Variants in NT5C observed in about 807,000 individuals in gnomAD.
The protein encoded by NT5C is 5', 3'-nucleotidase, cytosolic.
A neutral mutation model predicts 17.6 loss-of-function variants in NT5C; 14 were observed. The ratio of observed to expected loss-of-function variants is 0.79; its 90% CI spans 0.52 to 1.24. The LOEUF (loss-of-function observed/expected upper bound fraction) is 1.24. NT5C is among the 50% of genes most tolerant of loss of function. NT5C has a pLI of 0.00. For missense variants in NT5C, 328 were observed against 278.3 expected (o/e 1.18, Z -1.27); for synonymous variants, 153 against 119.2 (o/e 1.28, Z -1.85).
Position 75,131,531 on chromosome 17 carries a change from T to C in NT5C, c.174+3A>G. ...GCCCGGGTGGGGACCCTGCGCCCCC[T>C]ACCGCCAGGTCGGGCCGCAGGGCGC... On this transcript the variant is annotated splice_donor_region_variant and intron_variant, in intron 1 of 4. Transcript: ENST00000245552. 1 of 1,407,460 alleles carries C rather than the reference T, an allele frequency of 7.1e-7. No individual in the cohort carries two copies. The highest frequency in any genetic ancestry group is 1.5e-5 in the African/African-American group (1 of 66,592). 87.2% of individuals were successfully genotyped at this position (1,407,460 alleles called of 1,614,324 possible).
chr17:75,130,398 C>T lies in NT5C; in HGVS notation c.*90G>A. 1 of 1,506,506 alleles carries T rather than the reference C, an allele frequency of 6.6e-7. No individual in the cohort carries two copies. The highest frequency in any genetic ancestry group is 2.4e-4 in the Middle Eastern group (1 of 4,164). The allele number at this position is 1,506,506 out of a possible 1,614,324, so 93.3% of individuals were successfully genotyped here. A position where few individuals can be genotyped will look rare whatever the true frequency, so the allele number is the denominator to read the frequency against. ...GCTCCACTCCACGGGGCCAGAGGCACCAGCACGATGCCGCCCCGACTCGGC... is the reference window on the plus strand; with the variant it reads ...GCTCCACTCCACGGGGCCAGAGGCATCAGCACGATGCCGCCCCGACTCGGC... On this transcript the variant is annotated 3_prime_UTR_variant, in exon 5 of 5. Coordinates refer to ENST00000245552, the MANE Select transcript of NT5C (RefSeq NM_014595.3).
rs142064602 is a variant in NT5C, at chr17:75,131,007, G to A, written c.336+38C>T. The stretch of plus-strand genomic sequence containing the variant: ...GTTTCTTTTTAAAATCAGGATTTAG[G>A]CAGCTCCACGTGCGGAGTAGGGGCG... On this transcript the variant is annotated intron_variant, in intron 3 of 4. Coordinates refer to ENST00000245552, the MANE Select transcript of NT5C (RefSeq NM_014595.3). 268 of 1,607,018 alleles carry A rather than the reference G, an allele frequency of 1.7e-4. 4 individuals carry two copies. The African/African-American group carries it at 2.9e-3, about 17-fold the overall frequency.
rs371055235 is a variant in NT5C at position 75,130,477 on chromosome 17, G to C, written c.*11C>G. The stretch of plus-strand genomic sequence containing the variant: ...TCCTTTAGCTCCAGCTGCTGCCCGC[G>C]GCATCCCCGCTCATTCCCGCTGCGC... On this transcript the variant is annotated 3_prime_UTR_variant, in exon 5 of 5. Transcript: ENST00000245552. The C allele has an allele frequency of 3.7e-6, 6 of 1,612,590 alleles. No individual in the cohort carries two copies. The highest frequency in any genetic ancestry group is 2.2e-5 in the East Asian group (1 of 44,862).
At position 75,130,442 on chromosome 17, in the gene NT5C, G is replaced by T. The variant is rs781124421; in HGVS notation, c.*46C>A. ...ACTCGGCTCTGCGGTGGCCCCTGTG[G>T]GCCTGCCCTTCCTTTAGCTCCAGCT... On this transcript the variant is annotated 3_prime_UTR_variant, in exon 5 of 5. Coordinates refer to ENST00000245552, the MANE Select transcript of NT5C (RefSeq NM_014595.3). 1 of 1,607,074 alleles carries T rather than the reference G, an allele frequency of 6.2e-7. No individual in the cohort carries two copies. The highest frequency in any genetic ancestry group is 8.5e-7 in the Non-Finnish European group (1 of 1,176,948).
chr17:75,131,637 C>T lies in NT5C; in HGVS notation c.71G>A (p.Arg24Gln). 2 of 1,367,052 alleles carry T rather than the reference C, an allele frequency of 1.5e-6. No homozygotes were observed. The highest frequency in any genetic ancestry group is 1.9e-6 in the Non-Finnish European group (2 of 1,065,328). 84.7% of individuals were successfully genotyped at this position (1,367,052 alleles called of 1,614,324 possible). A position where few individuals can be genotyped will look rare whatever the true frequency, so the allele number is the denominator to read the frequency against. ...VLADFEAGLL[R>Q]GFRRRFPEEP... Reference sequence around the variant, plus strand: ...CTCAGGGAAGCGGCGGCGGAAGCCCCGCAGGAGGCCGGCCTCGAAGTCGGC... The same window carrying T: ...CTCAGGGAAGCGGCGGCGGAAGCCCTGCAGGAGGCCGGCCTCGAAGTCGGC... The change falls in exon 1 of 5, where the codon CGG becomes CAG. Residue 24 changes from arginine to glutamine, a missense_variant. Transcript: ENST00000245552.
chr17:75,130,684 A>G (rs774240453), intron 4 of NT5C, 42 bp from the exon 5 acceptor site: 1 of 1,613,834 alleles, frequency 6.2e-7, no homozygotes, highest in Admixed American at 1.7e-5. Context: ...TGTCATGGGT[A>G]TTATTACTCC....
intron 3 of NT5C, 73 bp from the exon 4 acceptor site, chr17:75,130,940 G>C: frequency 6.2e-7 from 1 of 1,608,584 alleles, no homozygotes; most frequent in Non-Finnish European, 8.5e-7. Context: ...TTGGCTCTAA[G>C]CCCTTGAGAG....
Position 75,130,547 on chromosome 17 carries a change from A to C in NT5C, c.547T>G (p.Trp183Gly), listed in dbSNP as rs771903750. ...AAGATCTCCCTCCAGTTGTCACTCC[A>C]GGAGAGCAGCCGTCTCCTTGTCGGG... ...LPPTRRRLLS[W>G]SDNWREILDS... Residue 183 changes from tryptophan to glycine, a missense_variant, in exon 5 of 5, where the codon TGG (tryptophan) becomes GGG (glycine). Coordinates refer to ENST00000245552, the MANE Select transcript of NT5C (RefSeq NM_014595.3). 2.5e-6 allele frequency: 4 copies of C among 1,614,190 alleles called. No individual in the cohort carries two copies. The highest frequency in any genetic ancestry group is 2.2e-5 in the South Asian group (2 of 91,086).
intron 1 of NT5C, 86 bp from the exon 2 acceptor site, chr17:75,131,367 G>T: frequency 6.2e-6 from 9 of 1,455,338 alleles, no homozygotes; most frequent in Middle Eastern, 2.4e-4. Flanking sequence ...CCCGAGCTCA[G>T]AGGGGCGGAG....
Position 75,131,672 on chromosome 17 carries a change from G to A in NT5C, c.36C>T (p.Asp12=). The A allele has an allele frequency of 7.5e-7, 1 of 1,331,592 alleles. No homozygotes were observed. The allele number at this position is 1,331,592 out of a possible 1,614,324, so 82.5% of individuals were successfully genotyped here. A position where few individuals can be genotyped will look rare whatever the true frequency, so the allele number is the denominator to read the frequency against. ...CGGCCTCGAAGTCGGCCAGGACGCC[G>A]TCCATGTCCACCAGCACGCGCACGC... ...ARSVRVLVDM[D]GVLADFEAGL... The change falls in exon 1 of 5, where the codon GAC becomes GAT. Residue 12 remains aspartate (D), a synonymous_variant. Coordinates refer to ENST00000245552, the MANE Select transcript of NT5C (RefSeq NM_014595.3).
rs2074096295 is a variant in NT5C, at chr17:75,130,360, A to G, written c.*128T>C. 8 of 1,217,978 alleles carry G rather than the reference A, an allele frequency of 6.6e-6. No homozygotes were observed. The highest frequency in any genetic ancestry group is 9.3e-6 in the Non-Finnish European group (8 of 863,254). 75.4% of individuals were successfully genotyped at this position (1,217,978 alleles called of 1,614,324 possible). A position where few individuals can be genotyped will look rare whatever the true frequency, so the allele number is the denominator to read the frequency against. On this transcript the variant is annotated 3_prime_UTR_variant, in exon 5 of 5. Coordinates refer to ENST00000245552, the MANE Select transcript of NT5C (RefSeq NM_014595.3). ...CTGGGGCCCGGTAGCACAGCGCTTA[A>G]CGGTATCTGCCTGCTCCACTCCACG...
rs747933575 is a variant in NT5C, at chr17:75,130,886, C to G, written c.337-19G>C. ...AGCGGTACTGTGTAGAAAACACAGT[C>G]TGTGAGTAGGGCCTGATGGAAGCCG... On this transcript the variant is annotated intron_variant, in intron 3 of 4. Coordinates refer to ENST00000245552, the MANE Select transcript of NT5C (RefSeq NM_014595.3). The G allele has an allele frequency of 4.9e-5, 79 of 1,613,776 alleles. No homozygotes were observed. In the Middle Eastern group the frequency reaches 2.5e-3, roughly 51 times the overall value.
At chr17:75,131,416 C>G in intron 1 of NT5C, 118 bp downstream of exon 1, 4 of 1,391,334 alleles carry the variant, frequency 2.9e-6, no homozygotes, top group Non-Finnish European at 3.8e-6. Flanking sequence ...AGGCTCCTCC[C>G]CAGGGTGCGC....
At chr17:75,130,694 C>G (rs761143600) in intron 4 of NT5C, 52 bp from the exon 5 acceptor site, 1 of 1,613,898 alleles carries the variant, frequency 6.2e-7, no homozygotes, top group Non-Finnish European at 8.5e-7. Flanking sequence ...ATTATTACTC[C>G]CTCTCCCTAA....
rs757456856 is a variant in NT5C, at chr17:75,131,222, C to A, written c.234G>T (p.Pro78=). The A allele has an allele frequency of 3.1e-6, 5 of 1,614,014 alleles. No individual in the cohort carries two copies. The highest frequency in any genetic ancestry group is 4.2e-6 in the Non-Finnish European group (5 of 1,180,026). The change falls in exon 2 of 5, where the codon CCG becomes CCT. Residue 78 remains proline, a synonymous_variant. Coordinates refer to ENST00000245552, the MANE Select transcript of NT5C (RefSeq NM_014595.3). The part of the protein sequence containing the change: ...PGFFLDLEPI[P]GALDAVREMN... ...TCTCCCGCACAGCGTCCAAGGCTCC[C>A]GGGATGGGCTCCAGGTCCAGGAAAA...
intron 3 of NT5C, 54 bp from the exon 4 acceptor site, chr17:75,130,921 G>T: frequency 1.9e-6 from 3 of 1,613,002 alleles, no homozygotes; most frequent in Non-Finnish European, 2.5e-6. Flanking sequence ...GGAATTCAGG[G>T]ATAGGGACTT....
In NT5C at chr17:75,130,512, C is replaced by T; in HGVS notation, c.582G>A (p.Lys194=). The change falls in exon 5 of 5, where the codon AAG becomes AAA. Residue 194 remains lysine (K), a synonymous_variant. Coordinates refer to ENST00000245552, the MANE Select transcript of NT5C (RefSeq NM_014595.3). The part of the protein sequence containing the change: ...SDNWREILDS[K]RGAAQRE ...CTCATTCCCGCTGCGCAGCTCCGCG[C>T]TTGCTATCTAAGATCTCCCTCCAGT... is the stretch of plus-strand genomic sequence containing the variant. 6.2e-7 allele frequency: 1 copy of T among 1,614,140 alleles called. No homozygotes were observed. Among genetic ancestry groups the T allele is most frequent in the Non-Finnish European group, 8.5e-7 (1 of 1,179,998 alleles).
rs779962435 is a variant in NT5C, at chr17:75,130,657, G to A, written c.452-15C>T. ...CTCCTCCTGGCCTAGGACAGTGAAA[G>A]ACAGCGCGCTGCCATCTGTCATGGG... is the stretch of plus-strand genomic sequence containing the variant. On this transcript the variant is annotated splice_polypyrimidine_tract_variant and intron_variant, in intron 4 of 4. Transcript: ENST00000245552. 2 of 1,613,916 alleles carry A rather than the reference G, an allele frequency of 1.2e-6. No individual in the cohort carries two copies. The highest frequency in any genetic ancestry group is 8.5e-7 in the Non-Finnish European group (1 of 1,179,930).
intron 1 of NT5C, 100 bp from the exon 2 acceptor site, chr17:75,131,381 G>T: frequency 1.4e-6 from 2 of 1,425,250 alleles, no homozygotes; most frequent in Non-Finnish European, 1.9e-6. Flanking sequence ...GGCGGAGGGG[G>T]CGTCGGTCAG....
Sources: allele counts gnomAD v4.1 joint callset, GRCh38; gene constraint gnomAD v4.1.1; transcripts MANE v1.5; gene names NCBI Gene and HGNC (gene_info 2026-07-23, HGNC 2026-07-21).